The following ELAVL3 variants were observed in gnomAD, a reference collection of about 807,000 sequenced individuals.
ELAVL3 encodes the protein ELAV like RNA binding protein 3.
Under a neutral mutation model 34.2 loss-of-function variants are expected in ELAVL3, and 8 were observed. That is an observed-to-expected ratio of 0.23 (90% CI 0.14 to 0.42). The LOEUF (loss-of-function observed/expected upper bound fraction) is 0.42, where lower values mean the gene tolerates loss of function less well. ELAVL3 is among the 10% of genes least tolerant of loss of function. ELAVL3 has a pLI of 1.00. For missense variants in ELAVL3, 273 were observed against 518.8 expected, an observed-to-expected ratio of 0.53 and a Z score of 4.60; for synonymous variants, 209 against 222.1, an observed-to-expected ratio of 0.94 and a Z score of 0.53.
intron 3 of ELAVL3, among the ~76,000 whole-genome samples, chr19:11,465,305 C>T (rs574966034): frequency 0.039 from 5,791 of 147,972 alleles, 276 homozygotes; most frequent in African/African-American, 0.11. Flanking sequence ...CACACACACA[C>T]ACCACACACA....
chr19:11,480,810 C>T lies in ELAVL3; in HGVS notation c.-202G>A, dbSNP rs945297380. On this transcript the variant is annotated 5_prime_UTR_variant, in exon 1 of 7. Transcript: ENST00000359227. The surrounding 1 kb of genome is among the most constrained non-coding windows in gnomAD (Gnocchi z 6.8). Reference sequence around the variant, plus strand: ...GGGGATGCGCGCGCGGATGGCCGGGCCCCGGGGTGGCCTGCGGGCGGCAGG... The same window carrying T: ...GGGGATGCGCGCGCGGATGGCCGGGTCCCGGGGTGGCCTGCGGGCGGCAGG... The T allele has an allele frequency of 4.8e-6, 2 of 417,636 alleles. No individual in the cohort carries two copies. Among genetic ancestry groups the T allele is most frequent in the Non-Finnish European group, 8.1e-6 (2 of 246,892 alleles). The allele number at this position is 417,636 out of a possible 1,614,324, so 25.9% of individuals were successfully genotyped here.
chr19:11,472,101 C>G (rs895176009), intron 1 of ELAVL3, among the ~76,000 whole-genome samples: 13 of 152,162 alleles, frequency 8.5e-5, no homozygotes, highest in African/African-American at 3.1e-4. Context: ...TCCCAGCCAG[C>G]ACTTTGGGAG....
chr19:11,478,692 G>T (rs930265762), intron 1 of ELAVL3, among the ~76,000 whole-genome samples: 6 of 151,892 alleles, frequency 4.0e-5, no homozygotes, highest in Admixed American at 3.9e-4. Flanking sequence ...TGTGTCCCTG[G>T]CCTCATCACT....
At position 11,457,162 on chromosome 19, in the gene ELAVL3, G is replaced by C. The variant is rs74179994; in HGVS notation, c.714-14C>G. On this transcript the variant is annotated splice_polypyrimidine_tract_variant and intron_variant, in intron 5 of 6. Coordinates refer to ENST00000359227, the MANE Select transcript of ELAVL3 (RefSeq NM_001420.4). ...AAATTGTCCAGCCTGTGGAGGCAGAGGTGGTGGTCAGAGGTGGCTTCCAGT... is the reference window on the plus strand; with the variant it reads ...AAATTGTCCAGCCTGTGGAGGCAGACGTGGTGGTCAGAGGTGGCTTCCAGT... The C allele has an allele frequency of 8.4e-6, 13 of 1,556,114 alleles. No individual in the cohort carries two copies. The African/African-American group carries it at 1.7e-4, about 20-fold the overall frequency.
At position 11,480,315 on chromosome 19, in the gene ELAVL3, T is replaced by G; in HGVS notation, c.9+285A>C. 2.7e-6 allele frequency: 1 copy of G among 367,134 alleles called. No homozygotes were observed. Among genetic ancestry groups the G allele is most frequent in the Non-Finnish European group, 4.9e-6 (1 of 205,354 alleles). 22.7% of individuals were successfully genotyped at this position (367,134 alleles called of 1,614,324 possible). On this transcript the variant is annotated intron_variant, in intron 1 of 6. Coordinates refer to ENST00000359227, the MANE Select transcript of ELAVL3 (RefSeq NM_001420.4). This position sits in a 1 kb window ranked among gnomAD's most constrained non-coding sequence, Gnocchi z 6.8. Reference sequence around the variant, plus strand: ...CTTAGCCGCCGCGGCCCCTCCCCCATCAGGCCTGCTGGAGAGGGGGCAATC... The same window carrying G: ...CTTAGCCGCCGCGGCCCCTCCCCCAGCAGGCCTGCTGGAGAGGGGGCAATC...
chr19:11,467,771 A>G (rs1971084970), intron 1 of ELAVL3, among the ~76,000 whole-genome samples: 1 of 151,518 alleles, frequency 6.6e-6, no homozygotes, highest in Non-Finnish European at 1.5e-5. Flanking sequence ...GGCGTGAACC[A>G]CCGCGTCTGG....
chr19:11,460,675 TGGGTCTCA>T (rs949362522), intron 3 of ELAVL3, among the ~76,000 whole-genome samples: 13 of 152,116 alleles, frequency 8.5e-5, no homozygotes, highest in Admixed American at 6.6e-4. Context: ...CTTCTTTCTT[TGGGTCTCA>T]GTTGAAACAT....
intron 3 of ELAVL3, among the ~76,000 whole-genome samples, chr19:11,465,325 GCACA>G (rs1310500686): frequency 1.7e-5 from 2 of 120,494 alleles, no homozygotes; most frequent in Non-Finnish European, 3.6e-5. Flanking sequence ...ATACACACAT[GCACA>G]CACACCACAC....
chr19:11,465,164 C>G (rs1460574917), intron 3 of ELAVL3, among the ~76,000 whole-genome samples: 1 of 142,076 alleles, frequency 7.0e-6, no homozygotes, highest in East Asian at 2.2e-4. Context: ...CACACATACA[C>G]ATACCACACA....
At chr19:11,470,818 C>T (rs74717983) in intron 1 of ELAVL3, among the ~76,000 whole-genome samples, 4,630 of 152,198 alleles carry the variant, frequency 0.03, 258 homozygotes, top group African/African-American at 0.11. Context: ...GAAATGAAGA[C>T]CCTCGGAATG....
Position 11,466,158 on chromosome 19 carries a change from A to G in ELAVL3, c.333+14T>C, listed in dbSNP as rs747955328. ...GGTGGGCGGTCATGGGGGATTGGAGAAGGAGGCACCAACCTTGATGGTCTT... is the reference window on the plus strand; with the variant it reads ...GGTGGGCGGTCATGGGGGATTGGAGGAGGAGGCACCAACCTTGATGGTCTT... On this transcript the variant is annotated intron_variant, in intron 3 of 6. Transcript: ENST00000359227. The surrounding 1 kb of genome is among the most constrained non-coding windows in gnomAD (Gnocchi z 5.0). The G allele has an allele frequency of 6.2e-7, 1 of 1,612,484 alleles. No homozygotes were observed. The highest frequency in any genetic ancestry group is 8.5e-7 in the Non-Finnish European group (1 of 1,178,890).
intron 6 of ELAVL3, among the ~76,000 whole-genome samples, chr19:11,455,577 G>A (rs1410694577): frequency 3.3e-5 from 5 of 151,812 alleles, no homozygotes; most frequent in South Asian, 2.1e-4. Flanking sequence ...ATGAGCCACC[G>A]CACCCAGCCA....
chr19:11,456,835 TA>T (rs969794954), intron 6 of ELAVL3, among the ~76,000 whole-genome samples: 6 of 151,276 alleles, frequency 4.0e-5, no homozygotes, highest in Admixed American at 1.3e-4. Context: ...GGCTAATCCT[TA>T]AAAAAAAATT....
In ELAVL3 at chr19:11,480,706, G is replaced by A. The variant is rs1568389863; in HGVS notation, c.-98C>T. On this transcript the variant is annotated 5_prime_UTR_variant, in exon 1 of 7. Coordinates refer to ENST00000359227, the MANE Select transcript of ELAVL3 (RefSeq NM_001420.4). The surrounding 1 kb of genome is among the most constrained non-coding windows in gnomAD (Gnocchi z 6.8). ...GATGCTCACGCTGGGGTCCCGCCCG[G>A]GCGGCCTCTGGTGCGGCCGCTGCAG... The A allele has an allele frequency of 8.2e-7, 1 of 1,223,656 alleles. No individual in the cohort carries two copies. 75.8% of individuals were successfully genotyped at this position (1,223,656 alleles called of 1,614,324 possible).
At chr19:11,471,521 G>A (rs1026310782) in intron 1 of ELAVL3, among the ~76,000 whole-genome samples, 2 of 152,034 alleles carry the variant, frequency 1.3e-5, no homozygotes, top group Non-Finnish European at 2.9e-5. Flanking sequence ...GCTGAGGCAG[G>A]AGAATTCCTT....
At chr19:11,467,977 AT>A (rs1437589318) in intron 1 of ELAVL3, among the ~76,000 whole-genome samples, 6 of 152,044 alleles carry the variant, frequency 3.9e-5, no homozygotes, top group African/African-American at 1.4e-4. Flanking sequence ...ATTTGTAGAG[AT>A]GGGGTCTCAC....
intron 1 of ELAVL3, among the ~76,000 whole-genome samples, chr19:11,467,209 G>A (rs1486574703): frequency 6.6e-6 from 1 of 152,054 alleles, no homozygotes; most frequent in Non-Finnish European, 1.5e-5. Context: ...GATCACCTGA[G>A]GTCGGGAGTT....
rs1024925134 is a variant in ELAVL3 at position 11,454,867 on chromosome 19, G to A, written c.763C>T (p.Leu255Phe). Residue 255 changes from leucine (L) to phenylalanine (F), a missense_variant, in exon 7 of 7, where the codon CTC becomes TTC. By Grantham distance (22) the Leu-to-Phe change is conservative (BLOSUM62 0). Transcript: ENST00000359227. The surrounding 1 kb of genome is among the most constrained non-coding windows in gnomAD (Gnocchi z 9.2). Reference sequence around the variant, plus strand: ...GCGATCGGCGAGAACCTGGCGATGAGCGACAGGGGACTACTTTGGGGGTCA... The same window carrying A: ...GCGATCGGCGAGAACCTGGCGATGAACGACAGGGGACTACTTTGGGGGTCA... ...MAYGVKSPLSLIARFSPIAID... is the reference protein window; with the variant it reads ...MAYGVKSPLSFIARFSPIAID... The A allele has an allele frequency of 1.3e-6, 2 of 1,598,096 alleles. No homozygotes were observed. The highest frequency in any genetic ancestry group is 2.7e-5 in the African/African-American group (2 of 74,754).
At chr19:11,478,754 A>G (rs1192630149) in intron 1 of ELAVL3, among the ~76,000 whole-genome samples, 1 of 152,116 alleles carries the variant, frequency 6.6e-6, no homozygotes, top group African/African-American at 2.4e-5. Context: ...TGGGTTTTGC[A>G]GTGAACACAC....
Sources: allele counts gnomAD v4.1 joint callset (sites outside exome capture counted in the v4.1 genomes callset), GRCh38; gene constraint gnomAD v4.1.1; non-coding constraint Gnocchi (gnomAD v3.1); transcripts MANE v1.5; gene names NCBI Gene and HGNC (gene_info 2026-07-23, HGNC 2026-07-21).